AFG2A: variants seen among roughly 807,000 people sequenced by gnomAD.
AFG2A encodes the protein AAA ATPase AFG2A.
chr4:122,954,404 G>A, the AFG2A span, among the ~76,000 whole-genome samples: 2 of 152,326 alleles, frequency 1.3e-5, no homozygotes, highest in East Asian at 3.9e-4. Context: ...GACAAGTTTT[G>A]TGGGTCTACT....
At chr4:122,986,785 G>A in the AFG2A span, among the ~76,000 whole-genome samples, 1,733 of 152,172 alleles carry the variant, frequency 0.011, 47 homozygotes, top group South Asian at 0.11. Context: ...AGAAAATAAC[G>A]TGTATTCTGC....
chr4:123,026,239 G>A, the AFG2A span, among the ~76,000 whole-genome samples: 18 of 152,016 alleles, frequency 1.2e-4, no homozygotes, highest in African/African-American at 4.4e-4. Context: ...ATCTTGCCAA[G>A]CACCTGGCTG....
At chr4:123,020,775 T>C in the AFG2A span, among the ~76,000 whole-genome samples, 3 of 152,186 alleles carry the variant, frequency 2.0e-5, no homozygotes, top group East Asian at 5.8e-4. Flanking sequence ...TGTTTAGCAT[T>C]GAGGTTGTTT....
the AFG2A span, among the ~76,000 whole-genome samples, chr4:123,054,719 A>C: frequency 6.6e-6 from 1 of 151,522 alleles, no homozygotes; most frequent in African/African-American, 2.4e-5. Context: ...CTTCATCTCA[A>C]AAAAAAAATT....
chr4:123,307,871 G>A, the AFG2A span, among the ~76,000 whole-genome samples: 2 of 152,212 alleles, frequency 1.3e-5, no homozygotes, highest in African/African-American at 2.4e-5. Context: ...GGTGTGTAGT[G>A]TAGGAGCAAT....
At chr4:123,291,285 T>A in the AFG2A span, among the ~76,000 whole-genome samples, 1 of 152,222 alleles carries the variant, frequency 6.6e-6, no homozygotes, top group Non-Finnish European at 1.5e-5. Flanking sequence ...TATCTTTTAA[T>A]TGGAGCATTT....
chr4:123,060,428 A>G, the AFG2A span, among the ~76,000 whole-genome samples: 1 of 152,218 alleles, frequency 6.6e-6, no homozygotes, highest in Admixed American at 6.5e-5. Context: ...ATCTTCTGAA[A>G]TCTAGGCGGA....
the AFG2A span, among the ~76,000 whole-genome samples, chr4:123,132,487 T>TTGTG: frequency 1.7e-3 from 258 of 149,254 alleles, 1 homozygote; most frequent in Middle Eastern, 0.014. Flanking sequence ...TGAATTATAT[T>TTGTG]TGTGTGTGTG....
the AFG2A span, among the ~76,000 whole-genome samples, chr4:123,012,922 C>A: frequency 6.6e-6 from 1 of 152,210 alleles, no homozygotes; most frequent in Non-Finnish European, 1.5e-5. Flanking sequence ...CCAAGGCAGG[C>A]CCCCCTATCC....
At chr4:123,108,886 G>GT in the AFG2A span, among the ~76,000 whole-genome samples, 1 of 151,942 alleles carries the variant, frequency 6.6e-6, no homozygotes, top group Non-Finnish European at 1.5e-5. Flanking sequence ...AAATATGTGT[G>GT]TTTTTTTAGA....
chr4:123,210,249 A>T, the AFG2A span, among the ~76,000 whole-genome samples: 2 of 152,214 alleles, frequency 1.3e-5, no homozygotes, highest in Non-Finnish European at 2.9e-5. Context: ...CTGCCTTAGC[A>T]ATTTTCAAAT....
chr4:123,237,218 T>C, the AFG2A span, among the ~76,000 whole-genome samples: 1 of 152,202 alleles, frequency 6.6e-6, no homozygotes, highest in Non-Finnish European at 1.5e-5. Context: ...AGGGCCATGT[T>C]CTAACACTTC....
At chr4:123,072,590 A>G in the AFG2A span, among the ~76,000 whole-genome samples, 4 of 152,092 alleles carry the variant, frequency 2.6e-5, no homozygotes, top group African/African-American at 9.7e-5. Context: ...ATGTTGTTAG[A>G]CTCTTTAAAT....
the AFG2A span, among the ~76,000 whole-genome samples, chr4:123,098,348 T>C: frequency 6.6e-6 from 1 of 152,080 alleles, no homozygotes; most frequent in Non-Finnish European, 1.5e-5. Flanking sequence ...TGTGCATTAC[T>C]TCACATACTT....
the AFG2A span, among the ~76,000 whole-genome samples, chr4:122,991,033 T>C: frequency 1.6e-4 from 25 of 152,248 alleles, no homozygotes; most frequent in Non-Finnish European, 2.6e-4. Context: ...TATTTATCAT[T>C]ATGAAGTGAT....
chr4:123,236,540 G>C, the AFG2A span, among the ~76,000 whole-genome samples: 1 of 152,118 alleles, frequency 6.6e-6, no homozygotes, highest in Admixed American at 6.6e-5. Context: ...AAGATATATT[G>C]TCTTACATTC....
the AFG2A span, among the ~76,000 whole-genome samples, chr4:123,195,070 AG>A: frequency 1.3e-5 from 2 of 152,222 alleles, no homozygotes; most frequent in African/African-American, 4.8e-5. Flanking sequence ...GCATTAAACA[AG>A]TTGATAAAAT....
chr4:123,223,438 T>C, the AFG2A span, among the ~76,000 whole-genome samples: 1 of 152,164 alleles, frequency 6.6e-6, no homozygotes, highest in Non-Finnish European at 1.5e-5. Flanking sequence ...TGGGGTAATT[T>C]ATAAAGAAAA....
the AFG2A span, among the ~76,000 whole-genome samples, chr4:123,113,480 C>T: frequency 5.3e-5 from 8 of 151,808 alleles, no homozygotes; most frequent in South Asian, 1.2e-3. Flanking sequence ...TATGCTGCAG[C>T]GTCATATCCA....
Sources: allele counts gnomAD v4.1 joint callset (sites outside exome capture counted in the v4.1 genomes callset), GRCh38; gene constraint gnomAD v4.1.1; transcripts MANE v1.5; gene names NCBI Gene and HGNC (gene_info 2026-07-23, HGNC 2026-07-21).